GALK2: variants seen among roughly 807,000 people sequenced by gnomAD.
The protein encoded by GALK2 is galactokinase 2.
In GALK2, 36 loss-of-function variants were observed where a neutral mutation model predicts 52.4. The observed-to-expected ratio is 0.69, with a 90% CI of 0.53 to 0.91. The LOEUF is 0.91. Ranked by LOEUF, GALK2 falls within the 40% of genes least tolerant of loss-of-function variation. The probability of loss-of-function intolerance (pLI) is 0.00; values close to 1 mark genes in which losing one functional copy is unlikely to be tolerated. For missense variants in GALK2, 579 were observed against 559.1 expected, an observed-to-expected ratio of 1.04 and a Z score of -0.36; for synonymous variants, 176 against 199.1, an observed-to-expected ratio of 0.88 and a Z score of 0.98.
At chr15:49,344,444 G>A (rs1374280765) in intron 3 of GALK2, among the ~76,000 whole-genome samples, 1 of 152,146 alleles carries the variant, frequency 6.6e-6, no homozygotes, top group African/African-American at 2.4e-5. Context: ...TGGTAATATA[G>A]CATGGTACTA....
At position 49,277,529 on chromosome 15, in the gene GALK2, G is replaced by T. The variant is rs190695790; in HGVS notation, c.505-4458G>T. On this transcript the variant is annotated intron_variant, in intron 5 of 9. Transcript: ENST00000560031. ...TTTGACCTTTCTGGCCGGGCGCGGTGGCTCACGCCTGTTATCCCAGCACTT... is the reference window on the plus strand; with the variant it reads ...TTTGACCTTTCTGGCCGGGCGCGGTTGCTCACGCCTGTTATCCCAGCACTT... Among the ~76,000 whole-genome samples the T allele has an allele frequency of 4.6e-3, 687 of 148,474 alleles. 5 individuals carry two copies. Among genetic ancestry groups the T allele is most frequent in the Non-Finnish European group, 7.5e-3 (506 of 67,192 alleles).
In GALK2 at chr15:49,251,027, G is replaced by A. The variant is rs571947858; in HGVS notation, c.504+11660G>A. 4.8e-3 allele frequency among the ~76,000 whole-genome samples: 737 copies of A among 152,180 alleles called. 3 individuals carry two copies. The highest frequency in any genetic ancestry group is 5.5e-3 in the Non-Finnish European group (375 of 67,972). On this transcript the variant is annotated intron_variant, in intron 5 of 9. Transcript: ENST00000560031. ...ATATACAAATTCTTCCAAAGAATAC[G>A]AAAACAAAGAACACTTCCCAACTTG...
At chr15:49,273,049 C>T (rs1191016874) in intron 5 of GALK2, among the ~76,000 whole-genome samples, 1 of 152,214 alleles carries the variant, frequency 6.6e-6, no homozygotes, top group East Asian at 1.9e-4. Context: ...TTCATTAGAT[C>T]ACGTTCTCTC....
chr15:49,302,573 G>A (rs992447424), intron 8 of GALK2, among the ~76,000 whole-genome samples: 3 of 152,180 alleles, frequency 2.0e-5, no homozygotes, highest in Admixed American at 6.5e-5. Context: ...GCTTTACAAT[G>A]TAAAAAGGGT....
intron 3 of GALK2, chr15:49,365,990 C>T (rs936492413): frequency 2.5e-6 from 2 of 815,130 alleles, no homozygotes; most frequent in Non-Finnish European, 4.4e-6. Context: ...ACCATCATAA[C>T]ACAGTAGATG....
At chr15:49,366,767 C>A in intron 3 of GALK2, 1 of 680,110 alleles carries the variant, frequency 1.5e-6, no homozygotes, top group South Asian at 1.9e-5. Context: ...GCGCTGCCTC[C>A]GTGGCGGGGG....
chr15:49,186,873 T>C (rs959787125), intron 1 of GALK2, among the ~76,000 whole-genome samples: 4 of 152,162 alleles, frequency 2.6e-5, no homozygotes, highest in African/African-American at 9.7e-5. Flanking sequence ...CTCAAAACAG[T>C]TATTTTGAAT....
At chr15:49,323,591 C>G (rs888520735) in intron 9 of GALK2, among the ~76,000 whole-genome samples, 2 of 152,058 alleles carry the variant, frequency 1.3e-5, no homozygotes, top group Non-Finnish European at 2.9e-5. Flanking sequence ...GGCTTGAATA[C>G]CTAGAATACC....
intron 5 of GALK2, among the ~76,000 whole-genome samples, chr15:49,265,177 G>A (rs1042623713): frequency 4.6e-5 from 7 of 152,206 alleles, no homozygotes; most frequent in Admixed American, 4.6e-4. Context: ...CCCCAGAGGT[G>A]GAGCCTACAG....
chr15:49,156,632 A>G (rs534489693), intron 1 of GALK2: 4 of 521,700 alleles, frequency 7.7e-6, no homozygotes, highest in Admixed American at 6.4e-5. Context: ...CTTTGATATG[A>G]TAAATATTAA....
At chr15:49,224,967 G>A (rs2090045266) in intron 3 of GALK2, among the ~76,000 whole-genome samples, 2 of 152,158 alleles carry the variant, frequency 1.3e-5, no homozygotes. Context: ...ATGTATATTG[G>A]CAGATTATTT....
At chr15:49,347,318 CAGA>C (rs2041652746) in intron 3 of GALK2, among the ~76,000 whole-genome samples, 1 of 152,118 alleles carries the variant, frequency 6.6e-6, no homozygotes, top group African/African-American at 2.4e-5. Flanking sequence ...AAGTAGGAGA[CAGA>C]AGAACTATAA....
At chr15:49,365,458 C>G in intron 3 of GALK2, 1 of 898,166 alleles carries the variant, frequency 1.1e-6, no homozygotes, top group Non-Finnish European at 1.9e-6. Context: ...GTCTCCAAAG[C>G]CCAATATTGA....
intron 1 of GALK2, among the ~76,000 whole-genome samples, chr15:49,192,867 C>A (rs2086874195): frequency 6.6e-6 from 1 of 152,080 alleles, no homozygotes; most frequent in African/African-American, 2.4e-5. Flanking sequence ...CTAAGCTAGT[C>A]TCTAACTCCT....
chr15:49,342,621 G>T (rs1284089014), intron 3 of GALK2, among the ~76,000 whole-genome samples: 1 of 152,148 alleles, frequency 6.6e-6, no homozygotes, highest in East Asian at 1.9e-4. Flanking sequence ...TTGGTTTATA[G>T]TATCTGTGGC....
intron 5 of GALK2, among the ~76,000 whole-genome samples, chr15:49,265,190 G>T (rs1370509832): frequency 1.3e-5 from 2 of 152,200 alleles, no homozygotes; most frequent in Non-Finnish European, 2.9e-5. Context: ...GCCTACAGAG[G>T]CAGGCAGGCC....
intron 8 of GALK2, among the ~76,000 whole-genome samples, chr15:49,302,158 C>T (rs1156974025): frequency 6.6e-6 from 1 of 152,166 alleles, no homozygotes; most frequent in Non-Finnish European, 1.5e-5. Flanking sequence ...CTTTTTCTGC[C>T]ATCACTTTTT....
rs558475991 is a variant in GALK2 at position 49,316,878 on chromosome 15, C to T, written c.968-2726C>T. 2.0e-5 allele frequency among the ~76,000 whole-genome samples: 3 copies of T among 152,258 alleles called. No individual in the cohort carries two copies. The East Asian group carries it at 5.8e-4, about 29-fold the overall frequency. On this transcript the variant is annotated intron_variant, in intron 8 of 9. Transcript: ENST00000560031. ...ATAAATCCTCTGACATCACTCTCTT[C>T]CCTCCCATCTATTGCTGATCTTTTC...
At chr15:49,222,562 A>G (rs968888203) in intron 3 of GALK2, among the ~76,000 whole-genome samples, 1 of 152,096 alleles carries the variant, frequency 6.6e-6, no homozygotes, top group African/African-American at 2.4e-5. Flanking sequence ...GTTGTGGTAT[A>G]TTTATTCTAT....
Sources: gnomAD v4.1 joint callset for allele counts (sites outside exome capture counted in the v4.1 genomes callset) on GRCh38, gnomAD v4.1.1 for gene constraint, MANE v1.5 for transcripts, NCBI Gene and HGNC (gene_info 2026-07-23, HGNC 2026-07-21) for gene names.